The following MTHFD1L variants were observed in gnomAD, a reference collection of about 807,000 sequenced individuals.
The protein encoded by MTHFD1L is monofunctional C1-tetrahydrofolate synthase, mitochondrial.
In MTHFD1L, 81 loss-of-function variants were observed where a neutral mutation model predicts 119.5. That is an observed-to-expected ratio of 0.68 (90% confidence interval 0.57 to 0.82). The LOEUF is 0.82. Ranked by LOEUF, MTHFD1L falls within the 40% of genes least tolerant of loss-of-function variation. The pLI is 0.00. For missense variants in MTHFD1L, 1,125 were observed against 1,253.4 expected (o/e 0.90, Z 1.55); for synonymous variants, 430 against 475.2 (o/e 0.90, Z 1.24).
At chr6:151,075,346 A>G (rs1444254648) in intron 26 of MTHFD1L, among the ~76,000 whole-genome samples, 1 of 152,194 alleles carries the variant, frequency 6.6e-6, no homozygotes, top group Non-Finnish European at 1.5e-5. Context: ...TTGAATTGGT[A>G]TATCAATATC....
chr6:150,893,126 G>A (rs185565523), intron 7 of MTHFD1L, among the ~76,000 whole-genome samples: 22 of 152,114 alleles, frequency 1.4e-4, no homozygotes, highest in African/African-American at 3.9e-4. Flanking sequence ...GTGCAGTGGC[G>A]CGATCTCGGC....
At position 150,926,692 on chromosome 6, in the gene MTHFD1L, A is replaced by ATATGAAAC. The variant is rs1325328698; in HGVS notation, c.1256+398_1256+405dup. 2.0e-5 allele frequency among the ~76,000 whole-genome samples: 3 copies of ATATGAAAC among 152,334 alleles called. No homozygotes were observed. The highest frequency in any genetic ancestry group is 7.2e-5 in the African/African-American group (3 of 41,570). The stretch of plus-strand genomic sequence containing the variant: ...TTTCGTGGAAAAGGTACAGATAATC[A>ATATGAAAC]TATGAAACATGTTTTCCTGTTAATA... On this transcript the variant is annotated intron_variant, in intron 11 of 27. Transcript: ENST00000367321. The surrounding 1 kb of genome is among the most constrained non-coding windows in gnomAD (Gnocchi z 4.3).
chr6:151,019,485 G>T (rs1680841316), intron 24 of MTHFD1L, among the ~76,000 whole-genome samples: 1 of 151,878 alleles, frequency 6.6e-6, no homozygotes, highest in Admixed American at 6.6e-5. Context: ...TGCAGATAAT[G>T]CTGCTAAAAT....
At chr6:150,900,436 TC>T (rs1173276955) in intron 7 of MTHFD1L, among the ~76,000 whole-genome samples, 1 of 152,080 alleles carries the variant, frequency 6.6e-6, no homozygotes, top group African/African-American at 2.4e-5. Flanking sequence ...CTGCTTTCCT[TC>T]CCATTCTGCC....
chr6:150,877,639 T>C lies in MTHFD1L; in HGVS notation c.318T>C (p.Gly106=), dbSNP rs757230219. ...GTTGTTTTTACCTTCCTAAGGCAGG[T>C]GACGACAACTTGATGCAGGAAATCA... ...FKPVLAIIQA[G]DDNLMQEINQ... The change falls in exon 3 of 28, where the codon GGT becomes GGC. Residue 106 remains glycine, a synonymous_variant. Transcript: ENST00000367321. 6.2e-7 allele frequency: 1 copy of C among 1,614,136 alleles called. No individual in the cohort carries two copies. The highest frequency in any genetic ancestry group is 1.1e-5 in the South Asian group (1 of 91,082).
chr6:151,003,840 G>A (rs938283957), intron 20 of MTHFD1L, among the ~76,000 whole-genome samples: 6 of 152,116 alleles, frequency 3.9e-5, no homozygotes, highest in East Asian at 3.9e-4. Context: ...CAGAGGGACC[G>A]GGGGCACCAC....
chr6:150,920,939 AT>A (rs869169480), intron 9 of MTHFD1L, among the ~76,000 whole-genome samples: 12,250 of 96,406 alleles, frequency 0.13, 2,550 homozygotes, highest in East Asian at 0.27. Context: ...CACCCAGATA[AT>A]TTTTTTTTTT....
In MTHFD1L at chr6:151,073,527, T is replaced by G. The variant is rs1184226252; in HGVS notation, c.2848-18940T>G. 9.9e-5 allele frequency among the ~76,000 whole-genome samples: 15 copies of G among 152,170 alleles called. 1 individual carries two copies. ...AATCAAAACTAACCCATTATACAGA[T>G]GATAGAATTCATAGACACGGACATT... On this transcript the variant is annotated intron_variant, in intron 26 of 27. Transcript: ENST00000367321.
In MTHFD1L at chr6:151,071,458, C is replaced by T. The variant is rs562274052; in HGVS notation, c.2848-21009C>T. On this transcript the variant is annotated intron_variant, in intron 26 of 27. Transcript: ENST00000367321. ...TCAACATGCAAGAGAATTGCTCAGA[C>T]GCTTGTCAGATGCCTGAACCACATA... is the stretch of plus-strand genomic sequence containing the variant. Among the ~76,000 whole-genome samples, 4 of 152,182 alleles carry T rather than the reference C, an allele frequency of 2.6e-5. No individual in the cohort carries two copies. The East Asian group carries it at 5.8e-4, about 22-fold the overall frequency.
intron 18 of MTHFD1L, among the ~76,000 whole-genome samples, chr6:150,960,748 A>G (rs764983123): frequency 1.1e-4 from 16 of 152,100 alleles, no homozygotes; most frequent in Non-Finnish European, 1.6e-4. Flanking sequence ...TAAAAAATGT[A>G]CCTTCTATGC....
chr6:151,083,448 G>T (rs542854076), intron 26 of MTHFD1L, among the ~76,000 whole-genome samples: 1 of 152,078 alleles, frequency 6.6e-6, no homozygotes. Context: ...TGCCCACCTC[G>T]GCCTCTCAAA....
chr6:150,866,208 T>C (rs1304872583), intron 1 of MTHFD1L, 159 bp downstream of exon 1: 4 of 1,370,334 alleles, frequency 2.9e-6, no homozygotes, highest in Non-Finnish European at 3.8e-6. Flanking sequence ...AAACGCGGGC[T>C]TGGGCACTGC....
At chr6:150,892,046 G>T (rs1236482706) in intron 7 of MTHFD1L, among the ~76,000 whole-genome samples, 1 of 152,184 alleles carries the variant, frequency 6.6e-6, no homozygotes, top group Non-Finnish European at 1.5e-5. Context: ...AGGCAGCCTT[G>T]CAATGAAACG....
intron 20 of MTHFD1L, among the ~76,000 whole-genome samples, chr6:150,994,077 AAAAGAAAG>A (rs770291898): frequency 9.5e-6 from 1 of 105,300 alleles, no homozygotes; most frequent in Non-Finnish European, 1.9e-5. Context: ...AAAAAAAAAA[AAAAGAAAG>A]AAAGAAAGAA....
chr6:151,066,077 A>G (rs188658576), intron 26 of MTHFD1L, among the ~76,000 whole-genome samples: 1 of 152,212 alleles, frequency 6.6e-6, no homozygotes, highest in African/African-American at 2.4e-5. Flanking sequence ...CTTCATCAAA[A>G]GTGATCTCCA....
At chr6:150,993,727 C>T (rs1046366183) in intron 20 of MTHFD1L, among the ~76,000 whole-genome samples, 7 of 152,126 alleles carry the variant, frequency 4.6e-5, no homozygotes, top group Admixed American at 1.3e-4. Context: ...CTTGATTTAA[C>T]TCAGTGTCTG....
At chr6:151,060,145 G>A (rs1790452256) in intron 26 of MTHFD1L, among the ~76,000 whole-genome samples, 1 of 152,194 alleles carries the variant, frequency 6.6e-6, no homozygotes, top group Admixed American at 6.5e-5. Context: ...GGACCATGTG[G>A]AATTCAGAAA....
chr6:150,910,759 C>T (rs1205793001), intron 8 of MTHFD1L, among the ~76,000 whole-genome samples: 1 of 152,078 alleles, frequency 6.6e-6, no homozygotes, highest in Non-Finnish European at 1.5e-5. Context: ...TGGTCCACTT[C>T]CTGCATTCCT....
chr6:151,063,688 C>G (rs1391395507), intron 26 of MTHFD1L, among the ~76,000 whole-genome samples: 1 of 152,146 alleles, frequency 6.6e-6, no homozygotes, highest in South Asian at 2.1e-4. Flanking sequence ...ATTCATGAAG[C>G]CTTCCATCTG....
Sources: allele counts gnomAD v4.1 joint callset (sites outside exome capture counted in the v4.1 genomes callset), GRCh38; gene constraint gnomAD v4.1.1; non-coding constraint Gnocchi (gnomAD v3.1); transcripts MANE v1.5; gene names NCBI Gene and HGNC (gene_info 2026-07-23, HGNC 2026-07-21).